The following SYNPR variants were observed in gnomAD, a reference collection of about 807,000 sequenced individuals.
SYNPR encodes synaptoporin.
Under a neutral mutation model 32.9 loss-of-function variants are expected in SYNPR, and 23 were observed. That is an observed-to-expected ratio of 0.70 (90% CI 0.50 to 0.99). The LOEUF (loss-of-function observed/expected upper bound fraction) is 0.99. Among genes scored for constraint, SYNPR ranks in the 50% least tolerant of loss-of-function variants. The probability of loss-of-function intolerance (pLI) is 0.00; values close to 1 mark genes in which losing one functional copy is unlikely to be tolerated. For synonymous variants in SYNPR, 146 were observed against 135.9 expected (o/e 1.07, Z -0.52); for missense variants, 318 against 349.3 (o/e 0.91, Z 0.71).
At chr3:63,401,570 T>C (rs2002943) in intron 2 of SYNPR, among the ~76,000 whole-genome samples, 89,782 of 151,912 alleles carry the variant, frequency 0.59, 28,094 homozygotes, top group African/African-American at 0.81. Context: ...CTGGCTGCCC[T>C]GGGAGGTCTG....
chr3:63,379,089 T>C (rs1184614726), intron 2 of SYNPR, among the ~76,000 whole-genome samples: 2 of 152,180 alleles, frequency 1.3e-5, no homozygotes. Flanking sequence ...GTTTTTTTAG[T>C]TTCCAAGTGT....
intron 2 of SYNPR, among the ~76,000 whole-genome samples, chr3:63,475,063 A>T (rs1313575502): frequency 6.6e-6 from 1 of 152,162 alleles, no homozygotes; most frequent in Non-Finnish European, 1.5e-5. Flanking sequence ...AAAACCTTTG[A>T]TGTCACTAAC....
At chr3:63,407,838 T>A (rs2088381987) in intron 2 of SYNPR, among the ~76,000 whole-genome samples, 1 of 152,014 alleles carries the variant, frequency 6.6e-6, no homozygotes, top group Non-Finnish European at 1.5e-5. Flanking sequence ...GGGCTCTCAC[T>A]TCAACACTAC....
At chr3:63,372,160 C>T (rs888334608) in intron 2 of SYNPR, among the ~76,000 whole-genome samples, 2 of 151,970 alleles carry the variant, frequency 1.3e-5, no homozygotes, top group African/African-American at 2.4e-5. Context: ...CCACTGCTGC[C>T]CTCAGTCTGA....
At chr3:63,239,645 C>T (rs1236562130) in intron 1 of SYNPR, among the ~76,000 whole-genome samples, 4 of 151,662 alleles carry the variant, frequency 2.6e-5, no homozygotes, top group African/African-American at 7.3e-5. Flanking sequence ...CCCATCCTAC[C>T]ATTGTCATGT....
intron 2 of SYNPR, among the ~76,000 whole-genome samples, chr3:63,302,316 T>C (rs1353542480): frequency 6.6e-6 from 1 of 151,990 alleles, no homozygotes; most frequent in Non-Finnish European, 1.5e-5. Context: ...GACAGAGAAG[T>C]AGGAAGAAAA....
intron 2 of SYNPR, among the ~76,000 whole-genome samples, chr3:63,402,535 C>T (rs1044519794): frequency 6.6e-6 from 1 of 152,168 alleles, no homozygotes; most frequent in African/African-American, 2.4e-5. Flanking sequence ...ATTGACCCCT[C>T]TGTATGACAA....
intron 2 of SYNPR, among the ~76,000 whole-genome samples, chr3:63,355,563 A>G (rs2087566079): frequency 6.6e-6 from 1 of 152,170 alleles, no homozygotes; most frequent in Non-Finnish European, 1.5e-5. Context: ...CCTGCATGAA[A>G]TCCCAAATGA....
intron 3 of SYNPR, among the ~76,000 whole-genome samples, chr3:63,496,145 C>G (rs1001735188): frequency 1.3e-5 from 2 of 151,864 alleles, no homozygotes; most frequent in Non-Finnish European, 2.9e-5. Context: ...TTTAAAAATC[C>G]TATTATATAG....
chr3:63,424,880 G>T (rs1699866136), intron 2 of SYNPR, among the ~76,000 whole-genome samples: 1 of 152,174 alleles, frequency 6.6e-6, no homozygotes, highest in African/African-American at 2.4e-5. Context: ...GAAAGGAAAA[G>T]CTTCAGACAA....
chr3:63,403,055 A>G (rs1467274979), intron 2 of SYNPR, among the ~76,000 whole-genome samples: 8 of 152,190 alleles, frequency 5.3e-5, no homozygotes, highest in Non-Finnish European at 1.0e-4. Context: ...GAATGTTTAT[A>G]TATATTATTG....
intron 3 of SYNPR, among the ~76,000 whole-genome samples, chr3:63,509,466 C>T (rs1701654840): frequency 1.3e-5 from 2 of 151,762 alleles, no homozygotes; most frequent in South Asian, 4.2e-4. Flanking sequence ...GTGTGGCTGC[C>T]CTTTTCTTGT....
chr3:63,327,606 T>C (rs2087181349), intron 2 of SYNPR, among the ~76,000 whole-genome samples: 1 of 152,114 alleles, frequency 6.6e-6, no homozygotes, highest in African/African-American at 2.4e-5. Flanking sequence ...CTTACAGTGA[T>C]GAGAATGGAC....
At chr3:63,473,812 A>G (rs60759586) in intron 2 of SYNPR, among the ~76,000 whole-genome samples, 6,296 of 152,280 alleles carry the variant, frequency 0.041, 331 homozygotes, top group East Asian at 0.18. Flanking sequence ...GGAGACAGCC[A>G]GAGAGACTAG....
chr3:63,518,590 T>G (rs919001731), intron 3 of SYNPR, among the ~76,000 whole-genome samples: 1 of 152,174 alleles, frequency 6.6e-6, no homozygotes, highest in African/African-American at 2.4e-5. Context: ...TTGACACACC[T>G]AAATTCCAAT....
At chr3:63,325,403 C>A (rs945806552) in intron 2 of SYNPR, among the ~76,000 whole-genome samples, 3 of 152,136 alleles carry the variant, frequency 2.0e-5, no homozygotes, top group South Asian at 2.1e-4. Context: ...ATCATCTACA[C>A]ACTCTCAGGA....
At chr3:63,235,912 TTTTTG>T (rs1189366688) in intron 1 of SYNPR, among the ~76,000 whole-genome samples, 3 of 152,068 alleles carry the variant, frequency 2.0e-5, no homozygotes, top group African/African-American at 7.2e-5. Flanking sequence ...TTAATCATGC[TTTTTG>T]TTTTAAGTCT....
At chr3:63,556,076 T>G (rs1164753704) in intron 3 of SYNPR, among the ~76,000 whole-genome samples, 2 of 152,122 alleles carry the variant, frequency 1.3e-5, no homozygotes, top group African/African-American at 2.4e-5. Context: ...CAACAAGACC[T>G]GGAGACAGGA....
Position 63,317,151 on chromosome 3 carries a change from T to G in SYNPR, c.84+38409T>G, listed in dbSNP as rs562318282. Reference sequence around the variant, plus strand: ...GTATTGTGGCTCATTTTATGGCCTATCATATGATCTGTCTTGGAGAAAGTT... The same window carrying G: ...GTATTGTGGCTCATTTTATGGCCTAGCATATGATCTGTCTTGGAGAAAGTT... On this transcript the variant is annotated intron_variant, in intron 2 of 5. Coordinates refer to ENST00000478300, the MANE Select transcript of SYNPR (RefSeq NM_001130003.2). Among the ~76,000 whole-genome samples the G allele has an allele frequency of 2.0e-4, 30 of 152,166 alleles. 1 individual carries two copies. The highest frequency in any genetic ancestry group is 3.4e-3 in the Middle Eastern group (1 of 294).
Sources: allele counts gnomAD v4.1 joint callset (sites outside exome capture counted in the v4.1 genomes callset), GRCh38; gene constraint gnomAD v4.1.1; transcripts MANE v1.5; gene names NCBI Gene and HGNC (gene_info 2026-07-23, HGNC 2026-07-21).